MYO3A: variants seen among roughly 807,000 people sequenced by gnomAD.
MYO3A encodes the protein myosin-IIIa.
A neutral mutation model predicts 192.7 loss-of-function variants in MYO3A; 180 were observed. That is an observed-to-expected ratio of 0.93 (90% CI 0.83 to 1.06). The LOEUF is 1.06. MYO3A is among the 50% of genes least tolerant of loss of function. The probability of loss-of-function intolerance (pLI) is 0.00; values close to 1 mark genes in which losing one functional copy is unlikely to be tolerated. For missense variants in MYO3A, 1,896 were observed against 1,905.0 expected (o/e 1.00, Z 0.09); for synonymous variants, 628 against 645.3 (o/e 0.97, Z 0.41).
At chr10:26,210,096 A>G (rs1285783673) in intron 34 of MYO3A, among the ~76,000 whole-genome samples, 1 of 134,422 alleles carries the variant, frequency 7.4e-6, no homozygotes, top group Non-Finnish European at 1.6e-5. Flanking sequence ...AGAGTGAGAA[A>G]GAGCGAAAAG....
In MYO3A at chr10:26,169,003, A is replaced by G. The variant is rs144966603; in HGVS notation, c.3274+129A>G. ...ACTGTGTTGCCTTGATACTTTTGCT[A>G]TATTAAATCTAAGTCAAATTGTTTT... On this transcript the variant is annotated intron_variant, in intron 28 of 34. Transcript: ENST00000642920. The G allele has an allele frequency of 4.7e-4, 400 of 853,892 alleles. No homozygotes were observed. The African/African-American group carries it at 5.9e-3, about 13-fold the overall frequency. 52.9% of individuals were successfully genotyped at this position (853,892 alleles called of 1,614,324 possible). A position where few individuals can be genotyped will look rare whatever the true frequency, so the allele number is the denominator to read the frequency against.
chr10:26,160,473 T>C (rs541586263), intron 26 of MYO3A, among the ~76,000 whole-genome samples: 2 of 151,996 alleles, frequency 1.3e-5, no homozygotes, highest in Non-Finnish European at 2.9e-5. Flanking sequence ...CAAGACCCCA[T>C]CTCTAAAAAC....
At chr10:25,996,676 C>A in intron 5 of MYO3A, 82 bp downstream of exon 5, 1 of 1,070,314 alleles carries the variant, frequency 9.3e-7, no homozygotes, top group Non-Finnish European at 1.4e-6. Context: ...AGAAAAATGT[C>A]ACTAGTGATA....
intron 4 of MYO3A, among the ~76,000 whole-genome samples, chr10:25,963,949 T>C (rs772694070): frequency 3.3e-5 from 5 of 152,182 alleles, no homozygotes; most frequent in Non-Finnish European, 2.9e-5. Context: ...ACATTTATAG[T>C]GTTACTTCAG....
chr10:25,957,488 T>C (rs1019344050), intron 4 of MYO3A, among the ~76,000 whole-genome samples: 3 of 152,118 alleles, frequency 2.0e-5, no homozygotes, highest in African/African-American at 7.2e-5. Flanking sequence ...GAAAATGGAC[T>C]AATACAGGCA....
At chr10:26,105,745 T>G (rs1051206790) in intron 17 of MYO3A, among the ~76,000 whole-genome samples, 8 of 152,062 alleles carry the variant, frequency 5.3e-5, no homozygotes, top group African/African-American at 1.9e-4. Flanking sequence ...AGTATCTAGG[T>G]CTCTACTTTC....
intron 26 of MYO3A, among the ~76,000 whole-genome samples, chr10:26,158,537 G>A (rs955607473): frequency 3.3e-5 from 5 of 152,124 alleles, no homozygotes; most frequent in African/African-American, 1.2e-4. Flanking sequence ...TTACAGGCGT[G>A]AGCCACTGCG....
At chr10:26,119,218 T>C (rs1838701658) in intron 17 of MYO3A, among the ~76,000 whole-genome samples, 1 of 152,156 alleles carries the variant, frequency 6.6e-6, no homozygotes, top group South Asian at 2.1e-4. Flanking sequence ...GGAACTCTCC[T>C]CTTTATTAAG....
intron 23 of MYO3A, among the ~76,000 whole-genome samples, chr10:26,150,160 T>A (rs1010995575): frequency 6.6e-6 from 1 of 152,190 alleles, no homozygotes; most frequent in Non-Finnish European, 1.5e-5. Context: ...GGTGAGTGAC[T>A]GATTTTTTAA....
intron 23 of MYO3A, among the ~76,000 whole-genome samples, chr10:26,148,577 C>T (rs7079780): frequency 0.35 from 52,696 of 151,998 alleles, 9,230 homozygotes; most frequent in Middle Eastern, 0.44. Flanking sequence ...AACTATAGAT[C>T]AATAATGGGA....
chr10:26,015,483 A>G (rs1841939335), intron 6 of MYO3A, among the ~76,000 whole-genome samples: 1 of 151,942 alleles, frequency 6.6e-6, no homozygotes, highest in African/African-American at 2.4e-5. Context: ...TATCTTAGCT[A>G]TTTTTCTTGT....
intron 10 of MYO3A, among the ~76,000 whole-genome samples, chr10:26,053,205 T>A (rs1054293691): frequency 4.6e-5 from 7 of 152,220 alleles, no homozygotes; most frequent in Admixed American, 2.0e-4. Flanking sequence ...TATGTATGTG[T>A]GTATATACAC....
chr10:25,967,619 C>T (rs936419953), intron 4 of MYO3A, among the ~76,000 whole-genome samples: 18 of 152,084 alleles, frequency 1.2e-4, no homozygotes, highest in African/African-American at 4.3e-4. Context: ...GAAGAAAAAT[C>T]AGTCAATAGA....
chr10:26,111,027 G>A (rs1054799499), intron 17 of MYO3A, among the ~76,000 whole-genome samples: 1 of 151,798 alleles, frequency 6.6e-6, no homozygotes, highest in Non-Finnish European at 1.5e-5. Flanking sequence ...ACCATGCCCA[G>A]CTAACTTTTT....
At chr10:26,054,906 C>T (rs553950840) in intron 10 of MYO3A, among the ~76,000 whole-genome samples, 9 of 152,346 alleles carry the variant, frequency 5.9e-5, no homozygotes, top group Admixed American at 3.9e-4. Context: ...AGAATAAATA[C>T]TCATTGTTTT....
At chr10:25,984,028 G>A (rs1415187001) in intron 4 of MYO3A, among the ~76,000 whole-genome samples, 2 of 152,122 alleles carry the variant, frequency 1.3e-5, no homozygotes, top group Non-Finnish European at 2.9e-5. Flanking sequence ...ATAAATGAAG[G>A]AAAGAAGGTC....
intron 4 of MYO3A, among the ~76,000 whole-genome samples, chr10:25,967,944 A>C (rs1348062440): frequency 6.6e-6 from 1 of 152,210 alleles, no homozygotes; most frequent in Admixed American, 6.5e-5. Flanking sequence ...TCTGTGACCT[A>C]TGAGACATTA....
At chr10:26,080,550 T>C (rs528322364) in intron 14 of MYO3A, among the ~76,000 whole-genome samples, 13,033 of 136,172 alleles carry the variant, frequency 0.096, 708 homozygotes, top group Non-Finnish European at 0.12. Flanking sequence ...TTTTTTTTTT[T>C]CAGTTCAGAT....
At chr10:26,012,240 C>G (rs1004496486) in intron 6 of MYO3A, among the ~76,000 whole-genome samples, 6 of 152,132 alleles carry the variant, frequency 3.9e-5, no homozygotes, top group African/African-American at 1.4e-4. Context: ...TCTGGAAGTA[C>G]AGAGCAATTA....
Sources: gnomAD v4.1 joint callset for allele counts (sites outside exome capture counted in the v4.1 genomes callset) on GRCh38, gnomAD v4.1.1 for gene constraint, MANE v1.5 for transcripts, NCBI Gene and HGNC (gene_info 2026-07-23, HGNC 2026-07-21) for gene names.